HDGFL2: variants seen among roughly 807,000 people sequenced by gnomAD.
HDGFL2 encodes hepatoma-derived growth factor-related protein 2.
Under a neutral mutation model 77.1 loss-of-function variants are expected in HDGFL2, and 36 were observed. That is an observed-to-expected ratio of 0.47 (90% CI 0.36 to 0.62). The LOEUF is 0.62. HDGFL2 is among the 20% of genes least tolerant of loss of function. The probability of loss-of-function intolerance (pLI) is 0.00; values close to 1 mark genes in which losing one functional copy is unlikely to be tolerated. For synonymous variants in HDGFL2, 463 were observed against 413.1 expected, an observed-to-expected ratio of 1.12 and a Z score of -1.46; for missense variants, 976 against 973.4, an observed-to-expected ratio of 1.00 and a Z score of -0.04.
intron 6 of HDGFL2, among the ~76,000 whole-genome samples, chr19:4,493,319 G>C (rs984057660): frequency 4.6e-5 from 7 of 151,142 alleles, no homozygotes; most frequent in Non-Finnish European, 1.0e-4. Context: ...TGTGGTGTCT[G>C]TGTGTGGCGT....
intron 11 of HDGFL2, 75 bp from the exon 12 acceptor site, chr19:4,498,231 C>T: frequency 2.2e-6 from 3 of 1,386,298 alleles, no homozygotes; most frequent in Non-Finnish European, 3.1e-6. Context: ...CAGAGGCTCT[C>T]AGGCTCCTGC....
intron 9 of HDGFL2, among the ~76,000 whole-genome samples, chr19:4,495,798 T>C (rs1227928292): frequency 6.6e-6 from 1 of 152,018 alleles, no homozygotes; most frequent in Non-Finnish European, 1.5e-5. Context: ...GTGGTGACTG[T>C]CAGGACTCTC....
Position 4,497,703 on chromosome 19 carries a change from G to C in HDGFL2, c.1329-255G>C, listed in dbSNP as rs1975743733. The C allele has an allele frequency of 2.8e-5, 15 of 537,648 alleles. No homozygotes were observed. The South Asian group carries it at 3.5e-4, about 12-fold the overall frequency. 33.3% of individuals were successfully genotyped at this position (537,648 alleles called of 1,614,324 possible). On this transcript the variant is annotated intron_variant, in intron 10 of 15. Transcript: ENST00000616600. ...AGCCAGCCCTTGGCCATGTGAACGA[G>C]GAAAAGAATCCTGGGATTTCATGAG...
At chr19:4,482,119 A>G (rs1272738220) in intron 3 of HDGFL2, among the ~76,000 whole-genome samples, 2 of 124,848 alleles carry the variant, frequency 1.6e-5, no homozygotes, top group Non-Finnish European at 3.1e-5. Flanking sequence ...TGCAAGCTCC[A>G]CCTCCCAGGT....
At chr19:4,491,419 C>G (rs775584906) in intron 4 of HDGFL2, 147 bp from the exon 5 acceptor site, 33 of 666,814 alleles carry the variant, frequency 4.9e-5, no homozygotes, top group Non-Finnish European at 8.3e-5. Context: ...TTCAAGATCC[C>G]TGGTTTGATC....
intron 14 of HDGFL2, among the ~76,000 whole-genome samples, chr19:4,499,942 G>A (rs187373761): frequency 3.3e-5 from 5 of 152,326 alleles, no homozygotes; most frequent in Admixed American, 1.3e-4. Context: ...TGGGGCTCAC[G>A]CCAGAGGGGT....
chr19:4,474,855 T>G (rs1975030669), intron 1 of HDGFL2: 1 of 170,430 alleles, frequency 5.9e-6, no homozygotes, highest in Non-Finnish European at 1.3e-5. Context: ...GGCCGTTTCT[T>G]GTAGCCCACC....
At chr19:4,472,516 C>T (rs1974967937) in intron 1 of HDGFL2, 94 bp downstream of exon 1, 1 of 805,202 alleles carries the variant, frequency 1.2e-6, no homozygotes, top group Non-Finnish European at 1.7e-6. Context: ...CGGGGTTGTC[C>T]TGGGCCTGAA....
At chr19:4,479,189 C>G (rs189472773) in intron 3 of HDGFL2, among the ~76,000 whole-genome samples, 8 of 151,882 alleles carry the variant, frequency 5.3e-5, no homozygotes, top group Middle Eastern at 3.4e-3. Context: ...GCCGGGCTCA[C>G]GCCTGAAATC....
At chr19:4,491,865 C>G in intron 6 of HDGFL2, 30 bp downstream of exon 6, 1 of 1,590,672 alleles carries the variant, frequency 6.3e-7, no homozygotes, top group Non-Finnish European at 8.6e-7. Flanking sequence ...GTTTCCCATG[C>G]CCACTCGTGG....
chr19:4,495,727 T>C (rs183906069), intron 9 of HDGFL2, among the ~76,000 whole-genome samples: 1 of 152,176 alleles, frequency 6.6e-6, no homozygotes, highest in East Asian at 1.9e-4. Flanking sequence ...TCGGGTGCCC[T>C]CTGGCTGCCA....
chr19:4,472,447 C>T (rs1257763039), intron 1 of HDGFL2, 25 bp downstream of exon 1: 1 of 117,368 alleles, frequency 8.5e-6, no homozygotes. Context: ...GAGATGGGGC[C>T]GGTGGGGGGG....
At chr19:4,497,657 C>G in intron 10 of HDGFL2, 1 of 453,462 alleles carries the variant, frequency 2.2e-6, no homozygotes, top group Admixed American at 3.9e-5. Flanking sequence ...CTTTTCCTAG[C>G]TCGCTGACTC....
At position 4,499,530 on chromosome 19, in the gene HDGFL2, G is replaced by A. The variant is rs1216037549; in HGVS notation, c.1615G>A (p.Ala539Thr). ...YKANKDVMEKAAEVYTRLKSR... is the reference protein window; with the variant it reads ...YKANKDVMEKTAEVYTRLKSR... Reference sequence around the variant, plus strand: ...AGCGAACAAGGACGTAATGGAGAAGGCAGCAGAAGTCTATACCCGGCTCAA... The same window carrying A: ...AGCGAACAAGGACGTAATGGAGAAGACAGCAGAAGTCTATACCCGGCTCAA... Residue 539 changes from alanine to threonine, a missense_variant, in exon 14 of 16, where the codon GCA becomes ACA. Transcript: ENST00000616600. 3.1e-6 allele frequency: 5 copies of A among 1,613,794 alleles called. No homozygotes were observed. Among genetic ancestry groups the A allele is most frequent in the Admixed American group, 1.7e-5 (1 of 59,974 alleles).
At chr19:4,500,502 C>T (rs1033697428) in intron 14 of HDGFL2, among the ~76,000 whole-genome samples, 1 of 150,798 alleles carries the variant, frequency 6.6e-6, no homozygotes, top group Non-Finnish European at 1.5e-5. Flanking sequence ...GCTCTGTCCC[C>T]CAGGCTGGAG....
chr19:4,499,411 C>A, intron 13 of HDGFL2, 80 bp from the exon 14 acceptor site: 1 of 1,283,206 alleles, frequency 7.8e-7, no homozygotes, highest in South Asian at 1.4e-5. Context: ...GGGAGGGGCG[C>A]ATTGCTGGGG....
intron 4 of HDGFL2, among the ~76,000 whole-genome samples, chr19:4,489,970 T>C (rs1239344481): frequency 6.6e-6 from 1 of 152,196 alleles, no homozygotes; most frequent in Non-Finnish European, 1.5e-5. Context: ...GGGCCTGTCC[T>C]GGGCATTTCA....
At chr19:4,476,926 G>C (rs1021254673) in intron 3 of HDGFL2, among the ~76,000 whole-genome samples, 2 of 151,974 alleles carry the variant, frequency 1.3e-5, no homozygotes, top group Admixed American at 6.6e-5. Flanking sequence ...GGCTTAGCTG[G>C]GGGGGCATGA....
At chr19:4,473,864 C>T (rs946034479) in intron 1 of HDGFL2, among the ~76,000 whole-genome samples, 6 of 151,686 alleles carry the variant, frequency 4.0e-5, no homozygotes, top group African/African-American at 7.3e-5. Flanking sequence ...GGTGGTCCAA[C>T]CCCAATGCTT....
Sources: gnomAD v4.1 joint callset for allele counts (sites outside exome capture counted in the v4.1 genomes callset) on GRCh38, gnomAD v4.1.1 for gene constraint, MANE v1.5 for transcripts, NCBI Gene and HGNC (gene_info 2026-07-23, HGNC 2026-07-21) for gene names.